Variants in ELF4 observed in about 807,000 individuals in gnomAD.
ELF4 encodes the protein E74 like ETS transcription factor 4.
In ELF4, 10 loss-of-function variants were observed where a neutral mutation model predicts 31.7. The observed-to-expected ratio is 0.32, with a 90% CI of 0.19 to 0.54. ELF4 has a LOEUF of 0.54. ELF4 is among the 20% of genes least tolerant of loss of function. The probability of loss-of-function intolerance (pLI) is 0.95; values close to 1 mark genes in which losing one functional copy is unlikely to be tolerated. For synonymous variants in ELF4, 208 were observed against 226.7 expected (o/e 0.92, Z 0.74); for missense variants, 418 against 522.0 (o/e 0.80, Z 1.94).
At chrX:130,072,455 C>A (rs914879592) in intron 4 of ELF4, 38 bp from the exon 5 acceptor site, 2 of 1,200,432 alleles carry the variant, frequency 1.7e-6, no homozygotes, top group Admixed American at 4.3e-5. Context: ...GGGGCCCAGG[C>A]AGGGCTGGAG....
intron 2 of ELF4, among the ~76,000 whole-genome samples, chrX:130,075,499 A>G (rs1603201669): frequency 9.4e-6 from 1 of 106,691 alleles, no homozygotes; most frequent in East Asian, 3.0e-4. Context: ...GATGGTCTCG[A>G]TCTCCTGACC....
intron 7 of ELF4, among the ~76,000 whole-genome samples, chrX:130,070,656 C>T (rs1932776949): frequency 9.5e-6 from 1 of 105,017 alleles, no homozygotes; most frequent in Non-Finnish European, 1.9e-5. Context: ...CCTGTAATCC[C>T]AGCTACTCAG....
chrX:130,083,410 G>A (rs1218588728), intron 1 of ELF4, among the ~76,000 whole-genome samples: 3 of 90,837 alleles, frequency 3.3e-5, no homozygotes, highest in Non-Finnish European at 4.3e-5. Context: ...AGCAGCTCCC[G>A]CCCTCCCACA....
intron 1 of ELF4, among the ~76,000 whole-genome samples, chrX:130,095,873 G>A (rs775222065): frequency 5.2e-4 from 58 of 111,702 alleles, no homozygotes; most frequent in South Asian, 1.9e-3. Flanking sequence ...TGGGGTGTTG[G>A]TTCACATGTT....
At chrX:130,073,067 G>A (rs1294881686) in intron 4 of ELF4, among the ~76,000 whole-genome samples, 1 of 111,644 alleles carries the variant, frequency 9.0e-6, no homozygotes, top group Admixed American at 9.5e-5. Flanking sequence ...GGTAGGATGG[G>A]CAAGGATCAC....
In ELF4 at chrX:130,064,556, T is replaced by C. The variant is rs141109073; in HGVS notation, c.*2165A>G. ...GTGAGCCAGGAGCTTAAGAGAAAGG[T>C]TGGGACTGGAGCTCTAGATTTAGGA... On this transcript the variant is annotated 3_prime_UTR_variant, in exon 9 of 9. Coordinates refer to ENST00000308167, the MANE Select transcript of ELF4 (RefSeq NM_001421.4). Among the ~76,000 whole-genome samples, 96 of 112,144 alleles carry C rather than the reference T, an allele frequency of 8.6e-4. No individual in the cohort carries two copies. The highest frequency in any genetic ancestry group is 3.0e-3 in the African/African-American group (92 of 30,897).
chrX:130,080,593 G>C (rs901533507), intron 2 of ELF4, among the ~76,000 whole-genome samples: 1 of 110,655 alleles, frequency 9.0e-6, no homozygotes, highest in African/African-American at 3.3e-5. Flanking sequence ...GGAGGGTAGT[G>C]ATGAGTCTGC....
intron 1 of ELF4, among the ~76,000 whole-genome samples, chrX:130,090,116 G>C (rs6634768): frequency 1.8e-5 from 2 of 109,583 alleles, no homozygotes; most frequent in African/African-American, 6.7e-5. Flanking sequence ...GCTCACGTCT[G>C]TAATCCTAGC....
upstream of ELF4, among the ~76,000 whole-genome samples, chrX:130,111,399 C>T (rs1409250029): frequency 8.9e-6 from 1 of 112,947 alleles, no homozygotes; most frequent in Non-Finnish European, 1.9e-5. Flanking sequence ...TTGGGCCAAG[C>T]CCTGCGCTCC....
At position 130,081,487 on chromosome X, in the gene ELF4, G is replaced by T; in HGVS notation, c.-157C>A. 1.7e-6 allele frequency: 1 copy of T among 579,276 alleles called. No individual in the cohort carries two copies. The highest frequency in any genetic ancestry group is 2.5e-5 in the South Asian group (1 of 39,946). The allele number at this position is 579,276 out of a possible 1,213,427, so 47.7% of individuals were successfully genotyped here. ...GTGGAGAGAGCTGGAGTAGGTGGTG[G>T]CCTAAGCCAGGCTCAAGGCTGCATT... is the stretch of plus-strand genomic sequence containing the variant. On this transcript the variant is annotated 5_prime_UTR_variant, in exon 2 of 9. Transcript: ENST00000308167.
At chrX:130,071,295 G>A in intron 6 of ELF4, 41 bp downstream of exon 6, 1 of 1,210,641 alleles carries the variant, frequency 8.3e-7, no homozygotes, top group Non-Finnish European at 1.1e-6. Context: ...AGCAGGGAAG[G>A]GGCTCCCTCC....
At chrX:130,101,786 G>A (rs186256944) in intron 1 of ELF4, among the ~76,000 whole-genome samples, 28 of 101,281 alleles carry the variant, frequency 2.8e-4, no homozygotes, top group Non-Finnish European at 4.3e-4. Context: ...GCGACAAGAG[G>A]GAAACTCCGT....
At chrX:130,109,220 T>C (rs1364849700) in intron 1 of ELF4, among the ~76,000 whole-genome samples, 2 of 111,947 alleles carry the variant, frequency 1.8e-5, no homozygotes, top group Admixed American at 1.9e-4. Flanking sequence ...CCACCAGCTG[T>C]TGGGGCTGAG....
chrX:130,101,540 C>G (rs1232427980), intron 1 of ELF4, among the ~76,000 whole-genome samples: 1 of 111,580 alleles, frequency 9.0e-6, no homozygotes, highest in Admixed American at 9.6e-5. Flanking sequence ...TGCCTGTAAT[C>G]CCAGCACTTT....
chrX:130,102,392 T>C (rs1169443996), intron 1 of ELF4, among the ~76,000 whole-genome samples: 2 of 111,366 alleles, frequency 1.8e-5, no homozygotes, highest in Non-Finnish European at 3.8e-5. Flanking sequence ...TAAAGAGAAA[T>C]AAGTAGACCA....
Position 130,069,286 on chromosome X carries a change from C to G in ELF4, c.1187+14G>C. Reference sequence around the variant, plus strand: ...GTACTATGTGAAGACTCATGCTGACCTGGGTGCCCTTACCTCACAGCTTTG... The same window carrying G: ...GTACTATGTGAAGACTCATGCTGACGTGGGTGCCCTTACCTCACAGCTTTG... On this transcript the variant is annotated intron_variant, in intron 8 of 8. Transcript: ENST00000308167. The G allele has an allele frequency of 8.3e-7, 1 of 1,211,655 alleles. No individual in the cohort carries two copies.
intron 1 of ELF4, among the ~76,000 whole-genome samples, chrX:130,084,013 C>T (rs769222409): frequency 8.9e-6 from 1 of 112,130 alleles, no homozygotes; most frequent in Admixed American, 9.4e-5. Context: ...TCTGGGGTGA[C>T]CTCTGTATGT....
Position 130,068,443 on chromosome X carries a change from C to T in ELF4, c.1187+857G>A, listed in dbSNP as rs1276148528. Among the ~76,000 whole-genome samples, 3 of 111,933 alleles carry T rather than the reference C, an allele frequency of 2.7e-5. No homozygotes were observed. In the Admixed American group the frequency reaches 2.8e-4, roughly 11 times the overall value. ...GGCCTCACAACTAGGTCTTGTGATC[C>T]CAGAGCTCATCTTCCTCACCATTCC... On this transcript the variant is annotated intron_variant, in intron 8 of 8. Coordinates refer to ENST00000308167, the MANE Select transcript of ELF4 (RefSeq NM_001421.4).
chrX:130,071,237 A>C lies in ELF4; in HGVS notation c.617-5T>G. ...CCCACAGATAGATGGTGCTGCCTGC[A>C]GAGGGGCAGGCCGTGAGGGGCAGCC... is the stretch of plus-strand genomic sequence containing the variant. On this transcript the variant is annotated splice_region_variant and splice_polypyrimidine_tract_variant and intron_variant, in intron 6 of 8. Transcript: ENST00000308167. 1 of 1,211,726 alleles carries C rather than the reference A, an allele frequency of 8.3e-7. No individual in the cohort carries two copies. The highest frequency in any genetic ancestry group is 1.1e-6 in the Non-Finnish European group (1 of 895,556).
Sources: gnomAD v4.1 joint callset for allele counts (sites outside exome capture counted in the v4.1 genomes callset) on GRCh38, gnomAD v4.1.1 for gene constraint, MANE v1.5 for transcripts, NCBI Gene and HGNC (gene_info 2026-07-23, HGNC 2026-07-21) for gene names.